Variants in C4orf51 observed in about 807,000 individuals in gnomAD.
C4orf51 encodes the protein uncharacterized protein C4orf51.
A neutral mutation model predicts 25.2 loss-of-function variants in C4orf51; 25 were observed. That is an observed-to-expected ratio of 0.99 (90% CI 0.72 to 1.39). C4orf51 has a LOEUF of 1.39. Among genes scored for constraint, C4orf51 ranks in the 40% most tolerant of loss-of-function variants. The pLI, the probability that C4orf51 is intolerant of heterozygous loss-of-function variation, is 0.00. For missense variants in C4orf51, 252 were observed against 239.6 expected (o/e 1.05, Z -0.34); for synonymous variants, 100 against 84.5 (o/e 1.18, Z -1.01).
In C4orf51 at chr4:145,761,113, AC is replaced by A; in HGVS notation, n.167-9873del. ...CAGGAGATTCCGGGAGCTCCCGACC[AC>A]CAGGAGCGGGGCCCCCGGGCCGGCC... On this transcript the variant is annotated intron_variant and non_coding_transcript_variant, in intron 1 of 1. Transcript: ENST00000510096. The surrounding 1 kb of genome is among the most constrained non-coding windows in gnomAD (Gnocchi z 6.8). 1 of 1,289,552 alleles carries A rather than the reference AC, an allele frequency of 7.8e-7. No homozygotes were observed. The highest frequency in any genetic ancestry group is 1.0e-6 in the Non-Finnish European group (1 of 988,700). 79.9% of individuals were successfully genotyped at this position (1,289,552 alleles called of 1,614,324 possible).
rs1404192071 is a variant in C4orf51 at position 145,761,570 on chromosome 4, G to A, written n.167-9418G>A. On this transcript the variant is annotated intron_variant and non_coding_transcript_variant, in intron 1 of 1. Transcript: ENST00000510096. The surrounding 1 kb of genome is among the most constrained non-coding windows in gnomAD (Gnocchi z 6.8). ...AGGTGGCACTCCATGGCAGCGGGGC[G>A]GTTGGTGGAATAAATGCAGAATGGG... The A allele has an allele frequency of 3.6e-5, 46 of 1,274,056 alleles. No individual in the cohort carries two copies. The highest frequency in any genetic ancestry group is 4.7e-5 in the Non-Finnish European group (46 of 977,862). 78.9% of individuals were successfully genotyped at this position (1,274,056 alleles called of 1,614,324 possible). A position where few individuals can be genotyped will look rare whatever the true frequency, so the allele number is the denominator to read the frequency against.
At chr4:145,730,136 A>G (rs1194039835) in intron 5 of C4orf51, among the ~76,000 whole-genome samples, 171 bp downstream of exon 5, 1 of 152,182 alleles carries the variant, frequency 6.6e-6, no homozygotes, top group Non-Finnish European at 1.5e-5. Flanking sequence ...TTCTGATAAG[A>G]TAAAGTCTTT....
intron 2 of C4orf51, among the ~76,000 whole-genome samples, chr4:145,717,970 C>G (rs1471144799): frequency 2.0e-5 from 3 of 152,204 alleles, no homozygotes; most frequent in African/African-American, 7.2e-5. Context: ...AATACAGATT[C>G]TAATATGTTT....
the C4orf51 span, among the ~76,000 whole-genome samples, chr4:145,786,900 A>T: frequency 4.7e-4 from 72 of 152,330 alleles, no homozygotes; most frequent in Non-Finnish European, 5.4e-4. Flanking sequence ...TCTACCTTGC[A>T]GTGTCACAGC....
chr4:145,732,341 C>T (rs1732522226), intron 5 of C4orf51, 112 bp from the exon 6 acceptor site: 1 of 655,578 alleles, frequency 1.5e-6, no homozygotes, highest in Admixed American at 2.4e-5. Flanking sequence ...TCAATCCCAT[C>T]TCCTGCTCAT....
chr4:145,790,347 TGAAAA>T, the C4orf51 span, among the ~76,000 whole-genome samples: 27 of 152,248 alleles, frequency 1.8e-4, no homozygotes, highest in African/African-American at 6.5e-4. Context: ...ATAAACTAAA[TGAAAA>T]GAACAGATCA....
At chr4:145,726,219 C>T (rs191236075) in intron 2 of C4orf51, among the ~76,000 whole-genome samples, 11 of 152,224 alleles carry the variant, frequency 7.2e-5, no homozygotes, top group African/African-American at 2.6e-4. Flanking sequence ...TTCTGGAGAA[C>T]AGTGTGGTAT....
chr4:145,762,578 G>T lies in C4orf51; in HGVS notation n.167-8410G>T, dbSNP rs772370697. ...CAATTTAGGTAGATTCTGGAAGGGC[G>T]GATGCTGGTCCCAGCTCCATCACCT... On this transcript the variant is annotated intron_variant and non_coding_transcript_variant, in intron 1 of 1. Coordinates refer to the C4orf51 transcript ENST00000510096. The surrounding 1 kb of genome is among the most constrained non-coding windows in gnomAD (Gnocchi z 4.9). 6.6e-6 allele frequency among the ~76,000 whole-genome samples: 1 copy of T among 152,088 alleles called. No individual in the cohort carries two copies. The highest frequency in any genetic ancestry group is 1.5e-5 in the Non-Finnish European group (1 of 68,014).
chr4:145,727,976 T>A lies in C4orf51; in HGVS notation c.366+1007T>A, dbSNP rs948154808. Among the ~76,000 whole-genome samples, 89 of 130,506 alleles carry A rather than the reference T, an allele frequency of 6.8e-4. 1 individual carries two copies. Among genetic ancestry groups the A allele is most frequent in the African/African-American group, 2.5e-3 (88 of 35,314 alleles). 85.6% of individuals were successfully genotyped at this position (130,506 alleles called of 152,430 possible). The stretch of plus-strand genomic sequence containing the variant: ...TAATAATATAATATATAATATAATA[T>A]ATACATTATATATAATATATTATAT... On this transcript the variant is annotated intron_variant, in intron 3 of 5. Coordinates refer to ENST00000438731, the MANE Select transcript of C4orf51 (RefSeq NM_001080531.3).
chr4:145,760,857 A>C (rs1299175373), intron 1 of C4orf51: 1 of 1,213,590 alleles, frequency 8.2e-7, no homozygotes, highest in Admixed American at 3.2e-5. Flanking sequence ...TGGGAGGCGC[A>C]GTCTGAGGTC....
chr4:145,768,900 T>TAC (rs1735788208), intron 1 of C4orf51, among the ~76,000 whole-genome samples: 1 of 21,868 alleles, frequency 4.6e-5, no homozygotes, highest in Non-Finnish European at 1.0e-4. Context: ...AATATATATA[T>TAC]ATATATATAT....
rs748185452 is a variant in C4orf51, at chr4:145,727,003, G to C, written c.366+34G>C. ...AACATTTCTCAGCAATCTCTTACCT[G>C]TAGAGAGCTTAAATTATTATACACT... On this transcript the variant is annotated intron_variant, in intron 3 of 5. Coordinates refer to ENST00000438731, the MANE Select transcript of C4orf51 (RefSeq NM_001080531.3). 5.2e-6 allele frequency: 8 copies of C among 1,532,336 alleles called. No homozygotes were observed. The South Asian group carries it at 7.9e-5, about 15-fold the overall frequency. The allele number at this position is 1,532,336 out of a possible 1,614,324, so 94.9% of individuals were successfully genotyped here.
chr4:145,718,790 T>C (rs965613309), intron 2 of C4orf51, among the ~76,000 whole-genome samples: 1 of 152,236 alleles, frequency 6.6e-6, no homozygotes, highest in Non-Finnish European at 1.5e-5. Context: ...ATGTATTCGT[T>C]CAGCAACTTG....
intron 1 of C4orf51, among the ~76,000 whole-genome samples, chr4:145,752,153 A>G (rs943044643): frequency 2.6e-5 from 4 of 152,200 alleles, no homozygotes; most frequent in African/African-American, 9.6e-5. Flanking sequence ...ACTGTGGTCA[A>G]GCTGGTACCT....
intron 2 of C4orf51, among the ~76,000 whole-genome samples, chr4:145,718,615 T>G (rs1429285498): frequency 6.6e-6 from 1 of 152,246 alleles, no homozygotes; most frequent in South Asian, 2.1e-4. Flanking sequence ...GAGGGACATC[T>G]TAATGCATAA....
chr4:145,680,169 T>C lies in C4orf51; in HGVS notation c.-35T>C, dbSNP rs774005719. ...TTAATTCTTCATTATGCAGAGGACTTGACAAGTTGTTTTCCAGAGAGGCCG... is the reference window on the plus strand; with the variant it reads ...TTAATTCTTCATTATGCAGAGGACTCGACAAGTTGTTTTCCAGAGAGGCCG... On this transcript the variant is annotated 5_prime_UTR_variant, in exon 1 of 6. An upstream open reading frame in the 5' UTR loses its in-frame stop. Coordinates refer to ENST00000438731, the MANE Select transcript of C4orf51 (RefSeq NM_001080531.3). 3 of 1,472,354 alleles carry C rather than the reference T, an allele frequency of 2.0e-6. No individual in the cohort carries two copies. The highest frequency in any genetic ancestry group is 2.9e-6 in the Non-Finnish European group (3 of 1,051,452). The allele number at this position is 1,472,354 out of a possible 1,614,324, so 91.2% of individuals were successfully genotyped here. A position where few individuals can be genotyped will look rare whatever the true frequency, so the allele number is the denominator to read the frequency against.
chr4:145,731,828 C>T (rs1163089980), intron 5 of C4orf51, among the ~76,000 whole-genome samples: 1 of 151,704 alleles, frequency 6.6e-6, no homozygotes, highest in Non-Finnish European at 1.5e-5. Context: ...GTGATCTGCC[C>T]ACCTCGGCCT....
the C4orf51 span, among the ~76,000 whole-genome samples, chr4:145,789,721 T>C: frequency 6.6e-5 from 10 of 152,336 alleles, no homozygotes; most frequent in Non-Finnish European, 1.0e-4. Flanking sequence ...GAAAATCTAA[T>C]GGTTCTAATT....
rs1728747266 is a variant in C4orf51, at chr4:145,680,304, G to C, written c.101G>C (p.Trp34Ser). The change falls in exon 1 of 6, where the codon TGG (tryptophan) becomes TCG (serine). Residue 34 changes from tryptophan to serine, a missense_variant. Physicochemically the swap from Trp to Ser is radical, Grantham distance 177 (BLOSUM62 -3). Transcript: ENST00000438731. The stretch of plus-strand genomic sequence containing the variant: ...ATCAGACGCAAGGCTGGAGCATCTT[G>C]GCAGGATGAAACACGATGGTCAGAT... ...DLIRRKAGAS[W>S]QDETRWSDSS... 3 of 1,613,956 alleles carry C rather than the reference G, an allele frequency of 1.9e-6. No homozygotes were observed. The highest frequency in any genetic ancestry group is 2.2e-5 in the South Asian group (2 of 91,068).
Sources: allele counts gnomAD v4.1 joint callset (sites outside exome capture counted in the v4.1 genomes callset), GRCh38; gene constraint gnomAD v4.1.1; non-coding constraint Gnocchi (gnomAD v3.1); transcripts MANE v1.5; gene names NCBI Gene and HGNC (gene_info 2026-07-23, HGNC 2026-07-21).